The following FSTL4 variants were observed in gnomAD, a reference collection of about 807,000 sequenced individuals.
The protein encoded by FSTL4 is follistatin like 4, also known as follistatin-related protein 4.
FSTL4 carries 28 observed loss-of-function variants against 78.2 expected under a neutral mutation model. That is an observed-to-expected ratio of 0.36 (90% CI 0.27 to 0.49). FSTL4 has a LOEUF of 0.49. FSTL4 is among the 20% of genes least tolerant of loss of function. FSTL4 has a pLI of 0.98. For synonymous variants in FSTL4, 422 were observed against 440.5 expected (o/e 0.96, Z 0.53); for missense variants, 922 against 1,084.9 (o/e 0.85, Z 2.11).
intron 1 of FSTL4, among the ~76,000 whole-genome samples, chr5:133,606,414 C>T (rs781380000): frequency 1.3e-5 from 2 of 152,166 alleles, no homozygotes; most frequent in Non-Finnish European, 2.9e-5. Flanking sequence ...GCCACCATGC[C>T]CAGCTGAGCT....
At chr5:133,466,520 C>T (rs1373887665) in intron 3 of FSTL4, among the ~76,000 whole-genome samples, 9 of 149,838 alleles carry the variant, frequency 6.0e-5, no homozygotes, top group African/African-American at 1.2e-4. Context: ...CCGGCCTGGG[C>T]GAAAGAGCGA....
chr5:133,282,620 A>T lies in FSTL4; in HGVS notation c.727+30034T>A, dbSNP rs139727330. ...GCAGAGGTCTTCCGTTCTGGGAATG[A>T]CAGCCATCCCCTCTTCGTGCCCTGG... On this transcript the variant is annotated intron_variant, in intron 6 of 15. Transcript: ENST00000265342. 2.7e-3 allele frequency among the ~76,000 whole-genome samples: 413 copies of T among 152,254 alleles called. 1 individual carries two copies. Among genetic ancestry groups the T allele is most frequent in the Non-Finnish European group, 4.8e-3 (328 of 68,016 alleles).
chr5:133,454,957 G>A (rs139214269), intron 3 of FSTL4, among the ~76,000 whole-genome samples: 4 of 152,270 alleles, frequency 2.6e-5, no homozygotes, highest in African/African-American at 4.8e-5. Context: ...AACTGAGATC[G>A]CCTTGAGGGC....
the FSTL4 span, among the ~76,000 whole-genome samples, chr5:133,620,559 T>G: frequency 6.6e-6 from 1 of 152,248 alleles, no homozygotes; most frequent in Non-Finnish European, 1.5e-5. Context: ...TTCCTTATGT[T>G]TCTAGTCTTT....
intron 4 of FSTL4, among the ~76,000 whole-genome samples, chr5:133,379,375 A>T (rs1165096194): frequency 6.6e-6 from 1 of 152,088 alleles, no homozygotes; most frequent in Non-Finnish European, 1.5e-5. Flanking sequence ...AAAATAAAAG[A>T]CTGACAAAAC....
the FSTL4 span, among the ~76,000 whole-genome samples, chr5:133,657,858 G>A: frequency 4.7e-5 from 7 of 149,770 alleles, no homozygotes; most frequent in South Asian, 2.1e-4. Context: ...GGACACCTGG[G>A]CTCCCTTAAA....
At chr5:133,778,731 G>T in the FSTL4 span, among the ~76,000 whole-genome samples, 5 of 152,146 alleles carry the variant, frequency 3.3e-5, no homozygotes, top group African/African-American at 1.2e-4. Flanking sequence ...CTCAGAATTG[G>T]CCTCAGAAGG....
chr5:133,723,822 G>A, the FSTL4 span, among the ~76,000 whole-genome samples: 1 of 152,314 alleles, frequency 6.6e-6, no homozygotes, highest in South Asian at 2.1e-4. Flanking sequence ...GGAGGCCTGA[G>A]GTCCACATTG....
chr5:133,503,029 T>C (rs1326830227), intron 3 of FSTL4, among the ~76,000 whole-genome samples: 1 of 152,212 alleles, frequency 6.6e-6, no homozygotes, highest in Non-Finnish European at 1.5e-5. Context: ...GGTAATTTGT[T>C]ACAGCAGCAA....
the FSTL4 span, among the ~76,000 whole-genome samples, chr5:133,818,886 C>T: frequency 7.8e-6 from 1 of 127,782 alleles, no homozygotes; most frequent in Admixed American, 8.4e-5. Flanking sequence ...CCCCACCCAG[C>T]CCTTCTCTTC....
At chr5:133,467,654 C>T (rs1394134594) in intron 3 of FSTL4, among the ~76,000 whole-genome samples, 3 of 152,076 alleles carry the variant, frequency 2.0e-5, no homozygotes, top group South Asian at 2.1e-4. Context: ...ATCCATAGGT[C>T]TTGCAGGCAA....
chr5:133,438,595 C>A (rs1039229175), intron 3 of FSTL4, among the ~76,000 whole-genome samples: 1 of 152,232 alleles, frequency 6.6e-6, no homozygotes, highest in Non-Finnish European at 1.5e-5. Flanking sequence ...AGAACCTTTA[C>A]ATTCACATGA....
intron 3 of FSTL4, among the ~76,000 whole-genome samples, chr5:133,513,636 AC>A (rs1758785920): frequency 6.6e-6 from 1 of 152,220 alleles, no homozygotes; most frequent in African/African-American, 2.4e-5. Context: ...GACGGCAAGG[AC>A]AAAGGCTTCT....
At chr5:133,806,006 G>A in the FSTL4 span, among the ~76,000 whole-genome samples, 10 of 152,136 alleles carry the variant, frequency 6.6e-5, no homozygotes, top group African/African-American at 7.2e-5. Context: ...ATGGGATACC[G>A]CCTAATGAAA....
the FSTL4 span, among the ~76,000 whole-genome samples, chr5:133,664,212 A>ATCAG: frequency 1.3e-5 from 2 of 152,132 alleles, no homozygotes; most frequent in East Asian, 1.9e-4. Flanking sequence ...GACCCATTCA[A>ATCAG]GGGACCCATT....
the FSTL4 span, among the ~76,000 whole-genome samples, chr5:133,691,021 G>T: frequency 2.6e-5 from 4 of 152,240 alleles, no homozygotes; most frequent in African/African-American, 9.6e-5. Flanking sequence ...CTCTGAGCTC[G>T]CAATCATAAT....
At chr5:133,838,665 A>G in the FSTL4 span, among the ~76,000 whole-genome samples, 2 of 152,354 alleles carry the variant, frequency 1.3e-5, no homozygotes, top group East Asian at 3.9e-4. Flanking sequence ...TGGAAGCTTC[A>G]GATTAGTTGG....
chr5:133,756,325 G>T, the FSTL4 span, among the ~76,000 whole-genome samples: 8 of 152,008 alleles, frequency 5.3e-5, no homozygotes, highest in African/African-American at 1.9e-4. Context: ...GAAGGGGTCT[G>T]CAGGTCCAGT....
chr5:133,671,653 C>T, the FSTL4 span, among the ~76,000 whole-genome samples: 9 of 152,194 alleles, frequency 5.9e-5, no homozygotes, highest in African/African-American at 1.7e-4. Flanking sequence ...CTGCTGTGTC[C>T]GGTTTCCATT....
Sources: allele counts gnomAD v4.1 joint callset (sites outside exome capture counted in the v4.1 genomes callset), GRCh38; gene constraint gnomAD v4.1.1; transcripts MANE v1.5; gene names NCBI Gene and HGNC (gene_info 2026-07-23, HGNC 2026-07-21).